SAMD5: variants seen among roughly 807,000 people sequenced by gnomAD.
SAMD5 encodes the protein sterile alpha motif domain-containing protein 5.
SAMD5 carries 13 observed loss-of-function variants against 11.3 expected under a neutral mutation model. That is an observed-to-expected ratio of 1.15 (90% confidence interval 0.75 to 1.83). The LOEUF (loss-of-function observed/expected upper bound fraction) is 1.83, where lower values mean the gene tolerates loss of function less well. Among genes scored for constraint, SAMD5 ranks in the 40% most tolerant of loss-of-function variants. The pLI is 0.00. For missense variants in SAMD5, 255 were observed against 239.1 expected, an observed-to-expected ratio of 1.07 and a Z score of -0.44; for synonymous variants, 129 against 111.3, an observed-to-expected ratio of 1.16 and a Z score of -1.00.
In SAMD5 at chr6:147,564,784, G is replaced by A; in HGVS notation, c.*328G>A. ...ATGAAAACAGATGAGGTTGGCTAAG[G>A]CATTTGAGTCATAACTTAGTTTAAG... On this transcript the variant is annotated 3_prime_UTR_variant, in exon 2 of 2. Transcript: ENST00000367474. 1 of 1,014,404 alleles carries A rather than the reference G, an allele frequency of 9.9e-7. No homozygotes were observed. The highest frequency in any genetic ancestry group is 1.2e-6 in the Non-Finnish European group (1 of 848,594). The allele number at this position is 1,014,404 out of a possible 1,614,324, so 62.8% of individuals were successfully genotyped here.
chr6:147,888,060 A>T, the SAMD5 span, among the ~76,000 whole-genome samples: 1 of 152,150 alleles, frequency 6.6e-6, no homozygotes, highest in Admixed American at 6.5e-5. Context: ...AAACTCCTTT[A>T]TTCAACATGG....
chr6:147,899,117 G>T, the SAMD5 span, among the ~76,000 whole-genome samples: 1 of 140,084 alleles, frequency 7.1e-6, no homozygotes, highest in African/African-American at 2.8e-5. Flanking sequence ...GTTGCAGTGA[G>T]CCAAGATCGC....
intron 1 of SAMD5, among the ~76,000 whole-genome samples, chr6:147,646,052 A>G (rs898600442): frequency 7.9e-6 from 1 of 126,688 alleles, no homozygotes; most frequent in African/African-American, 3.7e-5. Flanking sequence ...CTATCTATCT[A>G]TCTATCTATC....
the SAMD5 span, among the ~76,000 whole-genome samples, chr6:147,901,259 G>T: frequency 2.0e-5 from 3 of 152,182 alleles, no homozygotes; most frequent in African/African-American, 7.2e-5. Flanking sequence ...CTAATTTATG[G>T]TTTATACATC....
chr6:147,946,044 T>A, the SAMD5 span, among the ~76,000 whole-genome samples: 119,601 of 152,072 alleles, frequency 0.79, 47,551 homozygotes, highest in East Asian at 0.87. Flanking sequence ...AGACTCCTAA[T>A]TTAAAATTAG....
At chr6:147,599,642 T>A (rs1451749499) in intron 1 of SAMD5, among the ~76,000 whole-genome samples, 1 of 152,208 alleles carries the variant, frequency 6.6e-6, no homozygotes, top group African/African-American at 2.4e-5. Context: ...GTTTCTTTCC[T>A]GAGTTAGAAT....
chr6:147,932,705 A>C, the SAMD5 span, among the ~76,000 whole-genome samples: 1 of 151,558 alleles, frequency 6.6e-6, no homozygotes, highest in Non-Finnish European at 1.5e-5. Flanking sequence ...CCACACCTGC[A>C]CCAGCTGAAC....
the SAMD5 span, among the ~76,000 whole-genome samples, chr6:147,807,771 C>T: frequency 6.6e-6 from 1 of 152,060 alleles, no homozygotes; most frequent in Non-Finnish European, 1.5e-5. Flanking sequence ...GTGTCTCTAC[C>T]CAGGACTTAC....
At chr6:147,798,806 C>T in the SAMD5 span, among the ~76,000 whole-genome samples, 1 of 152,080 alleles carries the variant, frequency 6.6e-6, no homozygotes, top group African/African-American at 2.4e-5. Flanking sequence ...TGAATTGAAC[C>T]CTTTACCATT....
At chr6:147,564,131 A>C (rs1788997305) in intron 1 of SAMD5, among the ~76,000 whole-genome samples, 1 of 152,156 alleles carries the variant, frequency 6.6e-6, no homozygotes, top group Non-Finnish European at 1.5e-5. Context: ...CACCTCTTAG[A>C]AGGAACATAA....
At chr6:147,827,406 A>C in the SAMD5 span, among the ~76,000 whole-genome samples, 1 of 152,000 alleles carries the variant, frequency 6.6e-6, no homozygotes, top group Admixed American at 6.5e-5. Context: ...GAAAAATGTC[A>C]CTACAAGGAA....
At chr6:147,943,506 A>T in the SAMD5 span, among the ~76,000 whole-genome samples, 5 of 151,310 alleles carry the variant, frequency 3.3e-5, no homozygotes, top group Admixed American at 1.3e-4. Context: ...TGCGTATTTC[A>T]TTCTGAGGGC....
At chr6:147,897,182 A>G in the SAMD5 span, among the ~76,000 whole-genome samples, 1 of 152,236 alleles carries the variant, frequency 6.6e-6, no homozygotes. Context: ...GGCACAATAA[A>G]GCTGTTTAAA....
intron 1 of SAMD5, among the ~76,000 whole-genome samples, chr6:147,632,419 G>A (rs57221009): frequency 0.028 from 4,335 of 152,256 alleles, 212 homozygotes; most frequent in African/African-American, 0.096. Flanking sequence ...AAGGCAATGA[G>A]TTCGGCTTGC....
rs559117904 is a variant in SAMD5 at position 147,584,251 on chromosome 6, T to C, written c.162+74864T>C. Among the ~76,000 whole-genome samples the C allele has an allele frequency of 2.0e-5, 3 of 152,344 alleles. No individual in the cohort carries two copies. In the East Asian group the frequency reaches 5.8e-4, roughly 29 times the overall value. On this transcript the variant is annotated intron_variant, in intron 1 of 1. Coordinates refer to the SAMD5 transcript ENST00000566741. ...GTAACACCCTAAGCATTTCGTAGACTGTGATGGGAGGTTCATAAACATCAT... is the reference window on the plus strand; with the variant it reads ...GTAACACCCTAAGCATTTCGTAGACCGTGATGGGAGGTTCATAAACATCAT...
intron 1 of SAMD5, among the ~76,000 whole-genome samples, chr6:147,575,294 A>G (rs1789202580): frequency 6.6e-6 from 1 of 152,364 alleles, no homozygotes; most frequent in South Asian, 2.1e-4. Context: ...ATTTCATCCA[A>G]ACCTTTCTAT....
the SAMD5 span, among the ~76,000 whole-genome samples, chr6:147,784,720 G>A: frequency 6.6e-6 from 1 of 152,180 alleles, no homozygotes; most frequent in Non-Finnish European, 1.5e-5. Context: ...AGTTTGTAAT[G>A]AGATGGTGGC....
the SAMD5 span, among the ~76,000 whole-genome samples, chr6:147,932,404 A>G: frequency 1.3e-5 from 2 of 152,072 alleles, no homozygotes; most frequent in Admixed American, 1.3e-4. Context: ...GTACTCAGAT[A>G]CCCCACAAAG....
chr6:147,882,501 G>A, the SAMD5 span, among the ~76,000 whole-genome samples: 36,498 of 152,096 alleles, frequency 0.24, 4,490 homozygotes, highest in Non-Finnish European at 0.28. Flanking sequence ...GATCACTTGA[G>A]CCCAGGAATT....
Sources: gnomAD v4.1 joint callset for allele counts (sites outside exome capture counted in the v4.1 genomes callset) on GRCh38, gnomAD v4.1.1 for gene constraint, MANE v1.5 for transcripts, NCBI Gene and HGNC (gene_info 2026-07-23, HGNC 2026-07-21) for gene names.